The following TSPAN9 variants were observed in gnomAD, a reference collection of about 807,000 sequenced individuals.
The protein encoded by TSPAN9 is tetraspanin-9.
Under a neutral mutation model 31.0 loss-of-function variants are expected in TSPAN9, and 16 were observed. The ratio of observed to expected loss-of-function variants is 0.52; its 90% CI spans 0.35 to 0.78. The LOEUF is 0.78. Among genes scored for constraint, TSPAN9 ranks in the 30% least tolerant of loss-of-function variants. TSPAN9 has a pLI of 0.01. For missense variants in TSPAN9, 272 were observed against 312.5 expected (o/e 0.87, Z 0.98); for synonymous variants, 145 against 121.6 (o/e 1.19, Z -1.27).
chr12:3,160,785 A>G (rs2098344689), intron 2 of TSPAN9, among the ~76,000 whole-genome samples: 1 of 152,022 alleles, frequency 6.6e-6, no homozygotes, highest in South Asian at 2.1e-4. Flanking sequence ...AAAATTGGGT[A>G]TTTGTCTTTT....
intron 2 of TSPAN9, among the ~76,000 whole-genome samples, chr12:3,117,849 G>A (rs985037080): frequency 3.3e-5 from 5 of 152,102 alleles, no homozygotes; most frequent in Non-Finnish European, 7.4e-5. Flanking sequence ...TCCAGGTCCC[G>A]GACCCCTCCA....
chr12:3,191,978 G>T (rs1036919377), intron 2 of TSPAN9, among the ~76,000 whole-genome samples: 1 of 152,208 alleles, frequency 6.6e-6, no homozygotes, highest in Non-Finnish European at 1.5e-5. Context: ...CAAGAGCTCA[G>T]GGGTGAGTAG....
At chr12:3,227,174 A>AT (rs1445139251) in intron 3 of TSPAN9, among the ~76,000 whole-genome samples, 1 of 151,982 alleles carries the variant, frequency 6.6e-6, no homozygotes, top group African/African-American at 2.4e-5. Flanking sequence ...AATCCAAATG[A>AT]TTGTTTAGTG....
chr12:3,231,611 C>T (rs1053125061), intron 3 of TSPAN9, among the ~76,000 whole-genome samples: 2 of 152,170 alleles, frequency 1.3e-5, no homozygotes, highest in South Asian at 2.1e-4. Flanking sequence ...CCAGCAGGGG[C>T]GGGGTGGGTG....
At chr12:3,268,586 G>A (rs1286756412) in intron 3 of TSPAN9, among the ~76,000 whole-genome samples, 3 of 80,702 alleles carry the variant, frequency 3.7e-5, no homozygotes, top group African/African-American at 5.5e-5. Context: ...CCTGCCCTCC[G>A]TGCATTCCTG....
intron 2 of TSPAN9, among the ~76,000 whole-genome samples, chr12:3,093,370 T>C (rs1404399623): frequency 6.6e-6 from 1 of 152,120 alleles, no homozygotes; most frequent in Non-Finnish European, 1.5e-5. Context: ...AGAAGGTGAA[T>C]TTGACCACAG....
intron 2 of TSPAN9, among the ~76,000 whole-genome samples, chr12:3,117,717 C>T (rs2098323093): frequency 6.6e-6 from 1 of 152,200 alleles, no homozygotes; most frequent in Non-Finnish European, 1.5e-5. Flanking sequence ...GTTAGTTACT[C>T]ATTCAGAAAT....
intron 2 of TSPAN9, among the ~76,000 whole-genome samples, chr12:3,142,071 C>T (rs925477164): frequency 6.6e-6 from 1 of 152,168 alleles, no homozygotes; most frequent in African/African-American, 2.4e-5. Flanking sequence ...TCCTGTGTGA[C>T]AGGTGCCTTC....
At chr12:3,132,661 G>T (rs1220159880) in intron 2 of TSPAN9, among the ~76,000 whole-genome samples, 1 of 152,168 alleles carries the variant, frequency 6.6e-6, no homozygotes, top group African/African-American at 2.4e-5. Flanking sequence ...CCCAGGGCAG[G>T]CCTCCAGCTA....
chr12:3,108,943 CTT>C (rs879519277), intron 2 of TSPAN9, among the ~76,000 whole-genome samples: 2 of 144,162 alleles, frequency 1.4e-5, no homozygotes. Flanking sequence ...AGGAAGGATT[CTT>C]TTTTTTTTTT....
At chr12:3,202,040 T>G (rs1361982166) in intron 3 of TSPAN9, among the ~76,000 whole-genome samples, 1 of 152,190 alleles carries the variant, frequency 6.6e-6, no homozygotes, top group Non-Finnish European at 1.5e-5. Context: ...GAGAGGCACT[T>G]TTGTAGAGAA....
At position 3,280,293 on chromosome 12, in the gene TSPAN9, C is replaced by A; in HGVS notation, c.331-89C>A. On this transcript the variant is annotated intron_variant, in intron 5 of 8. Transcript: ENST00000011898. This position sits in a 1 kb window ranked among gnomAD's most constrained non-coding sequence, Gnocchi z 4.5. ...CCTGCCTTCCTCACTCCTCATCTGT[C>A]ACCCACCATCCTGGGTGACCTGAGG... 1.7e-6 allele frequency: 2 copies of A among 1,201,486 alleles called. No individual in the cohort carries two copies. Among genetic ancestry groups the A allele is most frequent in the Non-Finnish European group, 1.2e-6 (1 of 825,186 alleles). The allele number at this position is 1,201,486 out of a possible 1,614,324, so 74.4% of individuals were successfully genotyped here. A position where few individuals can be genotyped will look rare whatever the true frequency, so the allele number is the denominator to read the frequency against.
chr12:3,226,226 C>A (rs2098387070), intron 3 of TSPAN9, among the ~76,000 whole-genome samples: 1 of 152,096 alleles, frequency 6.6e-6, no homozygotes, highest in Admixed American at 6.5e-5. Flanking sequence ...ATTTTTTATC[C>A]TCTAGTTGCA....
At chr12:3,174,803 C>T (rs28570216) in intron 2 of TSPAN9, among the ~76,000 whole-genome samples, 2,050 of 149,914 alleles carry the variant, frequency 0.014, 45 homozygotes, top group African/African-American at 0.047. Flanking sequence ...AGGATGGTCT[C>T]GATCTCCTGA....
At chr12:3,259,510 C>T (rs1274189381) in intron 3 of TSPAN9, among the ~76,000 whole-genome samples, 1 of 152,246 alleles carries the variant, frequency 6.6e-6, no homozygotes, top group Non-Finnish European at 1.5e-5. Flanking sequence ...AAGTCAGGAT[C>T]TCTCCTGTCA....
intron 2 of TSPAN9, among the ~76,000 whole-genome samples, chr12:3,132,892 C>T (rs2098330436): frequency 6.6e-6 from 1 of 152,106 alleles, no homozygotes; most frequent in African/African-American, 2.4e-5. Context: ...CACCCTGAGG[C>T]CGCCACAGAG....
At chr12:3,254,496 G>C (rs1160683024) in intron 3 of TSPAN9, among the ~76,000 whole-genome samples, 3 of 152,204 alleles carry the variant, frequency 2.0e-5, no homozygotes, top group Admixed American at 2.0e-4. Context: ...CAGGTTTCCA[G>C]CTACATGCTG....
At chr12:3,159,865 A>G (rs2098344108) in intron 2 of TSPAN9, among the ~76,000 whole-genome samples, 2 of 152,268 alleles carry the variant, frequency 1.3e-5, no homozygotes, top group South Asian at 2.1e-4. Context: ...CTCAGCCTCC[A>G]GAATCATGAG....
intron 3 of TSPAN9, among the ~76,000 whole-genome samples, chr12:3,268,125 C>T (rs1284402618): frequency 6.6e-6 from 1 of 151,254 alleles, no homozygotes; most frequent in Non-Finnish European, 1.5e-5. Flanking sequence ...CTTCCCCATG[C>T]CTATTCCGTA....
Sources: gnomAD v4.1 joint callset for allele counts (sites outside exome capture counted in the v4.1 genomes callset) on GRCh38, gnomAD v4.1.1 for gene constraint, Gnocchi (gnomAD v3.1) non-coding constraint, MANE v1.5 for transcripts, NCBI Gene and HGNC (gene_info 2026-07-23, HGNC 2026-07-21) for gene names.